Variants in SLC6A13 observed in about 807,000 individuals in gnomAD.
SLC6A13 encodes solute carrier family 6 member 13, also known as sodium- and chloride-dependent GABA transporter 2.
SLC6A13 carries 69 observed loss-of-function variants against 72.9 expected under a neutral mutation model. That is an observed-to-expected ratio of 0.95 (90% CI 0.78 to 1.16). The LOEUF (loss-of-function observed/expected upper bound fraction) is 1.16, where lower values mean the gene tolerates loss of function less well. Ranked by LOEUF, SLC6A13 falls within the 50% of genes most tolerant of loss-of-function variation. SLC6A13 has a pLI of 0.00. For missense variants in SLC6A13, 735 were observed against 760.5 expected (o/e 0.97, Z 0.39); for synonymous variants, 303 against 303.0 (o/e 1.00, Z 0.00).
chr12:233,109 G>A (rs904789009), intron 7 of SLC6A13, among the ~76,000 whole-genome samples: 2 of 152,218 alleles, frequency 1.3e-5, no homozygotes, highest in African/African-American at 2.4e-5. Flanking sequence ...TCTCCTTGGG[G>A]CTTCTTTCAT....
At position 220,878 on chromosome 12, in the gene SLC6A13, G is replaced by A; in HGVS notation, c.*70C>T. 2 of 1,588,378 alleles carry A rather than the reference G, an allele frequency of 1.3e-6. No homozygotes were observed. The highest frequency in any genetic ancestry group is 1.7e-5 in the Admixed American group (1 of 59,288). The stretch of plus-strand genomic sequence containing the variant: ...CGGGGGCAGGGAAGCACATGGGGCT[G>A]CTTCTGCCACGTTCCCTCCACAGCC... On this transcript the variant is annotated 3_prime_UTR_variant, in exon 15 of 15. Transcript: ENST00000343164.
At chr12:243,597 GCTA>G in intron 3 of SLC6A13, 79 bp downstream of exon 3, 1 of 1,381,236 alleles carries the variant, frequency 7.2e-7, no homozygotes, top group Non-Finnish European at 1.0e-6. Flanking sequence ...CCTCAGAACT[GCTA>G]CTAATCACTC....
At chr12:232,389 A>C (rs995588068) in intron 7 of SLC6A13, among the ~76,000 whole-genome samples, 3 of 152,158 alleles carry the variant, frequency 2.0e-5, no homozygotes, top group African/African-American at 7.2e-5. Context: ...CCCGGCTTCA[A>C]AGCCTCCCCT....
At position 242,729 on chromosome 12, in the gene SLC6A13, G is replaced by A. The variant is rs1019258407; in HGVS notation, c.363C>T (p.Ile121=). 27 of 1,594,954 alleles carry A rather than the reference G, an allele frequency of 1.7e-5. No individual in the cohort carries two copies. The highest frequency in any genetic ancestry group is 5.7e-5 in the South Asian group (5 of 87,934). ...FEGIGYASQM[I]VILLNVYYII... is the part of the protein sequence containing the mutation. ...TGTAGTAGACGTTGAGGAGGATGAC[G>A]ATCATCTGGGAGGCATAGCCAATGC... The change falls in exon 4 of 15, where the codon ATC becomes ATT. Residue 121 remains isoleucine, a synonymous_variant. Transcript: ENST00000343164.
chr12:260,773 A>C (rs911778228), intron 1 of SLC6A13, among the ~76,000 whole-genome samples: 3 of 152,268 alleles, frequency 2.0e-5, no homozygotes, highest in Non-Finnish European at 2.9e-5. Context: ...ATATTTTATA[A>C]AGTATTTATA....
intron 1 of SLC6A13, among the ~76,000 whole-genome samples, chr12:260,682 T>C (rs1942897650): frequency 6.6e-6 from 1 of 152,184 alleles, no homozygotes; most frequent in African/African-American, 2.4e-5. Context: ...ACCTGTGTTA[T>C]AGAAACAAGT....
intron 2 of SLC6A13, among the ~76,000 whole-genome samples, chr12:255,555 G>A (rs140154525): frequency 2.6e-5 from 4 of 152,328 alleles, no homozygotes; most frequent in East Asian, 1.9e-4. Context: ...AATTGGCCGC[G>A]CGTGTTGGCG....
At chr12:231,783 T>A (rs1941719899) in intron 7 of SLC6A13, among the ~76,000 whole-genome samples, 1 of 152,258 alleles carries the variant, frequency 6.6e-6, no homozygotes, top group Non-Finnish European at 1.5e-5. Flanking sequence ...ACCTTCTTTA[T>A]GTTTTCTGGA....
At chr12:222,806 A>G (rs954684796) in intron 12 of SLC6A13, among the ~76,000 whole-genome samples, 174 bp from the exon 13 acceptor site, 2 of 152,150 alleles carry the variant, frequency 1.3e-5, no homozygotes, top group Admixed American at 1.3e-4. Flanking sequence ...TCATAGGCAT[A>G]AACAGCAGCA....
At chr12:237,121 T>C in intron 6 of SLC6A13, 37 bp downstream of exon 6, 6 of 1,608,970 alleles carry the variant, frequency 3.7e-6, no homozygotes, top group Non-Finnish European at 5.1e-6. Flanking sequence ...AGGGCAGGAG[T>C]CCGGGAATGG....
chr12:258,694 T>C (rs1464485873), intron 2 of SLC6A13, among the ~76,000 whole-genome samples: 1 of 152,176 alleles, frequency 6.6e-6, no homozygotes, highest in East Asian at 1.9e-4. Flanking sequence ...AGATACAAAA[T>C]TCCCTGACTG....
intron 4 of SLC6A13, among the ~76,000 whole-genome samples, chr12:239,080 AC>A: frequency 6.7e-6 from 1 of 150,274 alleles, no homozygotes; most frequent in Non-Finnish European, 1.5e-5. Flanking sequence ...TACCACGTCC[AC>A]CCTGTTCCCT....
At chr12:226,631 A>C in intron 8 of SLC6A13, 117 bp from the exon 9 acceptor site, 1 of 1,313,228 alleles carries the variant, frequency 7.6e-7, no homozygotes, top group South Asian at 1.5e-5. Flanking sequence ...TGGCCCCTTC[A>C]CGGACGCCGG....
At chr12:222,682 C>A (rs2137247359) in intron 12 of SLC6A13, 50 bp from the exon 13 acceptor site, 1 of 1,216,258 alleles carries the variant, frequency 8.2e-7, no homozygotes. Flanking sequence ...TTCTTTGGCA[C>A]CCAGGACATC....
chr12:228,444 C>T (rs573348131), intron 7 of SLC6A13, among the ~76,000 whole-genome samples: 1 of 152,124 alleles, frequency 6.6e-6, no homozygotes, highest in Admixed American at 6.5e-5. Context: ...GGGAGCACCC[C>T]GCTATGGACG....
intron 8 of SLC6A13, chr12:226,854 TC>T (rs1941480935): frequency 9.8e-6 from 2 of 203,172 alleles, no homozygotes; most frequent in African/African-American, 4.7e-5. Flanking sequence ...ACGCCACCAC[TC>T]TGCCATCATC....
In SLC6A13 at chr12:227,786, T is replaced by C. The variant is rs573286564; in HGVS notation, c.832-118A>G. The C allele has an allele frequency of 8.5e-5, 71 of 832,364 alleles. 1 individual carries two copies. The Admixed American group carries it at 1.7e-3, about 19-fold the overall frequency. 51.6% of individuals were successfully genotyped at this position (832,364 alleles called of 1,614,324 possible). Reference sequence around the variant, plus strand: ...TGGCTAGGGATGGCGAGAAACCTGTTCTCAGCCAACACTTGCATCCTGCTA... The same window carrying C: ...TGGCTAGGGATGGCGAGAAACCTGTCCTCAGCCAACACTTGCATCCTGCTA... On this transcript the variant is annotated intron_variant, in intron 7 of 14. Transcript: ENST00000343164.
At chr12:249,149 T>C (rs1942454923) in intron 2 of SLC6A13, among the ~76,000 whole-genome samples, 2 of 152,126 alleles carry the variant, frequency 1.3e-5, no homozygotes, top group Admixed American at 1.3e-4. Context: ...ATTTACTAAA[T>C]GATAAAAGAA....
rs564351480 is a variant in SLC6A13 at position 238,162 on chromosome 12, C to T, written c.479-152G>A. The stretch of plus-strand genomic sequence containing the variant: ...TATCTGTACAAAACATCCTCCCACA[C>T]GTAATAACCTCAACAAATGCAGCTC... On this transcript the variant is annotated intron_variant, in intron 4 of 14. Coordinates refer to ENST00000343164, the MANE Select transcript of SLC6A13 (RefSeq NM_016615.5). 7.7e-5 allele frequency: 118 copies of T among 1,536,608 alleles called. No individual in the cohort carries two copies. The Admixed American group carries it at 1.0e-3, about 13-fold the overall frequency.
Sources: gnomAD v4.1 joint callset for allele counts (sites outside exome capture counted in the v4.1 genomes callset) on GRCh38, gnomAD v4.1.1 for gene constraint, MANE v1.5 for transcripts, NCBI Gene and HGNC (gene_info 2026-07-23, HGNC 2026-07-21) for gene names.